Variants in LEPR observed in about 807,000 individuals in gnomAD.
The protein encoded by LEPR is OB receptor.
In LEPR, 56 loss-of-function variants were observed where a neutral mutation model predicts 114.7. The observed-to-expected ratio is 0.49, with a 90% CI of 0.39 to 0.61. The LOEUF (loss-of-function observed/expected upper bound fraction) is 0.61, where lower values mean the gene tolerates loss of function less well. LEPR is among the 20% of genes least tolerant of loss of function. LEPR has a pLI of 0.00. For synonymous variants in LEPR, 443 were observed against 461.4 expected (o/e 0.96, Z 0.51); for missense variants, 1,202 against 1,352.9 (o/e 0.89, Z 1.75).
intron 2 of LEPR, among the ~76,000 whole-genome samples, chr1:65,552,908 C>G (rs1652517343): frequency 6.6e-6 from 1 of 152,068 alleles, no homozygotes; most frequent in Non-Finnish European, 1.5e-5. Context: ...TAAGGCAGGC[C>G]TGGTGGTGAC....
intron 10 of LEPR, among the ~76,000 whole-genome samples, chr1:65,604,563 C>T (rs532934230): frequency 2.0e-5 from 3 of 152,246 alleles, no homozygotes; most frequent in East Asian, 1.9e-4. Context: ...GTGATCAGCC[C>T]GCCTCAGCCT....
At chr1:65,557,172 T>C (rs946354409) in intron 2 of LEPR, among the ~76,000 whole-genome samples, 2 of 152,184 alleles carry the variant, frequency 1.3e-5, no homozygotes, top group Non-Finnish European at 2.9e-5. Flanking sequence ...TTTATAAAAT[T>C]AATCAATAAT....
chr1:65,497,949 G>T (rs1372192300), intron 2 of LEPR, among the ~76,000 whole-genome samples: 1 of 152,124 alleles, frequency 6.6e-6, no homozygotes, highest in Non-Finnish European at 1.5e-5. Flanking sequence ...ATAAATGAAT[G>T]GGGCAATGTG....
intron 2 of LEPR, among the ~76,000 whole-genome samples, chr1:65,469,657 G>A (rs1647058521): frequency 6.6e-6 from 1 of 152,212 alleles, no homozygotes; most frequent in Non-Finnish European, 1.5e-5. Context: ...GGGTTAAGGT[G>A]AGAGTGGCCA....
intron 2 of LEPR, among the ~76,000 whole-genome samples, chr1:65,453,642 A>C (rs1388707441): frequency 6.6e-6 from 1 of 152,226 alleles, no homozygotes; most frequent in African/African-American, 2.4e-5. Context: ...GTGGTCTGAC[A>C]GACAGTTTGT....
chr1:65,429,494 A>G (rs1231682198), intron 2 of LEPR, among the ~76,000 whole-genome samples: 1 of 152,222 alleles, frequency 6.6e-6, no homozygotes, highest in African/African-American at 2.4e-5. Context: ...CGTGCACTCA[A>G]AAGATCTTTA....
chr1:65,594,460 T>C (rs553551863), intron 6 of LEPR, among the ~76,000 whole-genome samples: 1 of 152,138 alleles, frequency 6.6e-6, no homozygotes, highest in African/African-American at 2.4e-5. Flanking sequence ...GTCTAGTGGA[T>C]GGAGTTGTAG....
chr1:65,571,852 C>G (rs1654198872), intron 4 of LEPR, among the ~76,000 whole-genome samples: 1 of 147,178 alleles, frequency 6.8e-6, no homozygotes, highest in Non-Finnish European at 1.5e-5. Context: ...TGCCTCTAGT[C>G]CCATCTACTT....
At chr1:65,622,771 T>C in intron 18 of LEPR, 135 bp from the exon 19 acceptor site, 4 of 819,354 alleles carry the variant, frequency 4.9e-6, no homozygotes, top group Non-Finnish European at 5.9e-6. Flanking sequence ...TGGGCTAGCA[T>C]GTGAAAATGC....
At chr1:65,568,214 A>G (rs918353120) in intron 3 of LEPR, among the ~76,000 whole-genome samples, 1 of 152,144 alleles carries the variant, frequency 6.6e-6, no homozygotes, top group East Asian at 1.9e-4. Context: ...CCTTAGTAAT[A>G]TGCATTTATG....
rs555289787 is a variant in LEPR at position 65,492,388 on chromosome 1, G to A, written c.-21+67010G>A. Among the ~76,000 whole-genome samples the A allele has an allele frequency of 2.2e-4, 33 of 152,120 alleles. 1 individual carries two copies. The South Asian group carries it at 6.4e-3, about 30-fold the overall frequency. ...TAAGCTTTTCCTTATTATGCGTGAA[G>A]TTATTAATTGAACAAACACTTATTA... is the stretch of plus-strand genomic sequence containing the variant. On this transcript the variant is annotated intron_variant, in intron 2 of 19. Transcript: ENST00000349533.
chr1:65,449,338 T>C (rs570105160), intron 2 of LEPR, among the ~76,000 whole-genome samples: 1 of 150,234 alleles, frequency 6.7e-6, no homozygotes, highest in South Asian at 2.1e-4. Context: ...GGAGAGTGCC[T>C]CAGGCAGTGA....
At chr1:65,509,340 TA>T (rs1648913847) in intron 2 of LEPR, among the ~76,000 whole-genome samples, 1 of 152,188 alleles carries the variant, frequency 6.6e-6, no homozygotes, top group East Asian at 1.9e-4. Flanking sequence ...GTATGGCCTT[TA>T]TTGTGTTGAG....
At chr1:65,504,602 T>C (rs1252026276) in intron 2 of LEPR, among the ~76,000 whole-genome samples, 1 of 151,980 alleles carries the variant, frequency 6.6e-6, no homozygotes, top group African/African-American at 2.4e-5. Context: ...GTCAAGGCCA[T>C]CAAAAACAAG....
chr1:65,446,803 G>A (rs554119504), intron 2 of LEPR, among the ~76,000 whole-genome samples: 3 of 152,152 alleles, frequency 2.0e-5, no homozygotes, highest in South Asian at 2.1e-4. Flanking sequence ...AGCATCTTTG[G>A]AAGAGCAGAA....
chr1:65,556,132 T>A (rs1259987112), intron 2 of LEPR, among the ~76,000 whole-genome samples: 3 of 152,228 alleles, frequency 2.0e-5, no homozygotes, highest in Admixed American at 6.5e-5. Context: ...GCAGCGGAGC[T>A]TGTTCACCCC....
chr1:65,502,871 G>C (rs905347773), intron 2 of LEPR, among the ~76,000 whole-genome samples: 18 of 151,478 alleles, frequency 1.2e-4, no homozygotes, highest in African/African-American at 4.4e-4. Flanking sequence ...ACATGTCAGA[G>C]AGAATGGGGG....
chr1:65,539,122 A>C (rs1229746534), intron 2 of LEPR, among the ~76,000 whole-genome samples: 1 of 64,200 alleles, frequency 1.6e-5, no homozygotes, highest in East Asian at 2.1e-4. Flanking sequence ...AAAACCATTG[A>C]AATTTTTTTT....
rs1651901898 is a variant in LEPR, at chr1:65,547,900, AG to A, written c.-20-17643del. Reference sequence around the variant, plus strand: ...TTCTAGTTCTTTTAATTGTGATGTTAGGGTGTCAATTTTGGATCTTTCCTGC... The same window carrying A: ...TTCTAGTTCTTTTAATTGTGATGTTAGGTGTCAATTTTGGATCTTTCCTGC... On this transcript the variant is annotated intron_variant, in intron 2 of 19. Transcript: ENST00000349533. 2.1e-5 allele frequency among the ~76,000 whole-genome samples: 3 copies of A among 142,336 alleles called. No individual in the cohort carries two copies. The South Asian group carries it at 6.9e-4, about 33-fold the overall frequency. The allele number at this position is 142,336 out of a possible 152,430, so 93.4% of individuals were successfully genotyped here.
Sources: allele counts gnomAD v4.1 joint callset (sites outside exome capture counted in the v4.1 genomes callset), GRCh38; gene constraint gnomAD v4.1.1; transcripts MANE v1.5; gene names NCBI Gene and HGNC (gene_info 2026-07-23, HGNC 2026-07-21).